Variants in CCDC66 observed in about 807,000 individuals in gnomAD.
CCDC66 encodes coiled-coil domain containing 66.
In CCDC66, 133 loss-of-function variants were observed where a neutral mutation model predicts 128.3. The ratio of observed to expected loss-of-function variants is 1.04; its 90% CI spans 0.90 to 1.20. The LOEUF (loss-of-function observed/expected upper bound fraction) is 1.20. Ranked by LOEUF, CCDC66 falls within the 50% of genes most tolerant of loss-of-function variation. The probability of loss-of-function intolerance (pLI) is 0.00; values close to 1 mark genes in which losing one functional copy is unlikely to be tolerated. For missense variants in CCDC66, 1,126 were observed against 1,075.5 expected, an observed-to-expected ratio of 1.05 and a Z score of -0.66; for synonymous variants, 387 against 357.0, an observed-to-expected ratio of 1.08 and a Z score of -0.95.
intron 15 of CCDC66, chr3:56,618,476 GGTATGTC>G (rs1469954030): frequency 2.6e-6 from 1 of 386,490 alleles, no homozygotes; most frequent in African/African-American, 2.0e-5. Context: ...TGATATTCCA[GGTATGTC>G]ATTAGCAGAA....
At chr3:56,581,224 A>G (rs1044560002) in intron 7 of CCDC66, among the ~76,000 whole-genome samples, 3 of 151,666 alleles carry the variant, frequency 2.0e-5, no homozygotes, top group African/African-American at 7.3e-5. Flanking sequence ...TGCATTTGTC[A>G]TGTAGTTCTC....
At chr3:56,585,697 A>C (rs1390251643) in intron 7 of CCDC66, among the ~76,000 whole-genome samples, 1 of 151,892 alleles carries the variant, frequency 6.6e-6, no homozygotes, top group Non-Finnish European at 1.5e-5. Context: ...ATAGTATAGC[A>C]ATATTTATAA....
chr3:56,601,026 T>C (rs2073068585), intron 10 of CCDC66, among the ~76,000 whole-genome samples: 1 of 152,100 alleles, frequency 6.6e-6, no homozygotes, highest in South Asian at 2.1e-4. Flanking sequence ...CCATTGCTTT[T>C]GGTGTTTTAG....
intron 10 of CCDC66, 88 bp from the exon 11 acceptor site, chr3:56,613,501 C>T (rs968422477): frequency 2.1e-6 from 3 of 1,458,424 alleles, no homozygotes; most frequent in African/African-American, 2.8e-5. Context: ...AAGAGGTGAG[C>T]ACTGAATGTA....
At chr3:56,609,514 C>G (rs1212458606) in intron 10 of CCDC66, among the ~76,000 whole-genome samples, 1 of 152,202 alleles carries the variant, frequency 6.6e-6, no homozygotes, top group Non-Finnish European at 1.5e-5. Flanking sequence ...TTGGTAAGTT[C>G]TTATCCATTC....
intron 14 of CCDC66, 173 bp from the exon 15 acceptor site, chr3:56,617,999 T>G: frequency 1.6e-6 from 1 of 622,838 alleles, no homozygotes; most frequent in Non-Finnish European, 2.8e-6. Flanking sequence ...GATTAGGAAC[T>G]CCCAAGGATT....
chr3:56,618,072 A>G (rs781775919), intron 14 of CCDC66, 100 bp from the exon 15 acceptor site: 65 of 947,684 alleles, frequency 6.9e-5, no homozygotes, highest in Middle Eastern at 2.9e-4. Context: ...TTATTCAAAT[A>G]TTACCCTCAG....
intron 10 of CCDC66, among the ~76,000 whole-genome samples, chr3:56,606,435 G>A (rs867420679): frequency 7.9e-5 from 12 of 152,072 alleles, no homozygotes; most frequent in South Asian, 4.1e-4. Context: ...CCTGGTCTGC[G>A]GGTGGCGAAG....
chr3:56,619,548 C>G (rs2076058009), intron 16 of CCDC66, 21 bp downstream of exon 16: 1 of 1,565,196 alleles, frequency 6.4e-7, no homozygotes, highest in Non-Finnish European at 8.6e-7. Context: ...ATTAAGCATT[C>G]TAACTGTAAA....
chr3:56,608,712 C>T (rs2074402985), intron 10 of CCDC66, among the ~76,000 whole-genome samples: 1 of 152,122 alleles, frequency 6.6e-6, no homozygotes, highest in African/African-American at 2.4e-5. Context: ...TGTCTGTGCT[C>T]TTTCAGACTT....
At chr3:56,621,472 A>C in intron 17 of CCDC66, 60 bp from the exon 18 acceptor site, 1 of 1,097,662 alleles carries the variant, frequency 9.1e-7, no homozygotes, top group South Asian at 1.6e-5. Flanking sequence ...CTAGTTTAAC[A>C]CAACATTGCA....
At chr3:56,600,493 C>T (rs2072975610) in intron 10 of CCDC66, among the ~76,000 whole-genome samples, 1 of 151,938 alleles carries the variant, frequency 6.6e-6, no homozygotes, top group South Asian at 2.1e-4. Flanking sequence ...TCGGTATATA[C>T]CTAGTAATGG....
intron 3 of CCDC66, 40 bp from the exon 4 acceptor site, chr3:56,563,644 T>A: frequency 6.9e-7 from 1 of 1,439,934 alleles, no homozygotes; most frequent in Non-Finnish European, 9.3e-7. Context: ...GTGATTTTTC[T>A]TGGACAGTTA....
intron 3 of CCDC66, among the ~76,000 whole-genome samples, chr3:56,561,697 A>G (rs1577211889): frequency 6.6e-6 from 1 of 152,200 alleles, no homozygotes; most frequent in African/African-American, 2.4e-5. Context: ...CACAGACTAT[A>G]AACACCAAAA....
intron 3 of CCDC66, among the ~76,000 whole-genome samples, chr3:56,562,921 A>G (rs1220289362): frequency 6.6e-6 from 1 of 151,676 alleles, no homozygotes; most frequent in African/African-American, 2.4e-5. Flanking sequence ...TGCTGGGATT[A>G]CAGGCATGAG....
At chr3:56,606,936 A>G (rs922370103) in intron 10 of CCDC66, among the ~76,000 whole-genome samples, 1 of 150,926 alleles carries the variant, frequency 6.6e-6, no homozygotes, top group Non-Finnish European at 1.5e-5. Context: ...TGCTTTGTCG[A>G]AGATCAGTTG....
intron 10 of CCDC66, among the ~76,000 whole-genome samples, chr3:56,610,397 G>C (rs1275533582): frequency 6.6e-6 from 1 of 152,130 alleles, no homozygotes; most frequent in Non-Finnish European, 1.5e-5. Context: ...ATTTCTAAAA[G>C]TGTGTCCAAA....
At position 56,571,178 on chromosome 3, in the gene CCDC66, C is replaced by T; in HGVS notation, c.815-3C>T. ...ATTTTTTTAAAAAGGACATTATTTA[C>T]AGATGAACAGGTTGCTTTAAAGAAG... On this transcript the variant is annotated splice_polypyrimidine_tract_variant and splice_region_variant and intron_variant, in intron 6 of 17. Transcript: ENST00000394672. 1 of 1,504,284 alleles carries T rather than the reference C, an allele frequency of 6.6e-7. No homozygotes were observed. Among genetic ancestry groups the T allele is most frequent in the Non-Finnish European group, 9.0e-7 (1 of 1,108,098 alleles). 93.2% of individuals were successfully genotyped at this position (1,504,284 alleles called of 1,614,324 possible).
rs139181859 is a variant in CCDC66, at chr3:56,566,763, T to C, written c.710+4T>C. ...AGTGTGAGCAAAAAATTGCCATGTA[T>C]GTAACTCCTATCTGTTGTTATTGTG... On this transcript the variant is annotated splice_donor_region_variant and intron_variant, in intron 5 of 17. Coordinates refer to ENST00000394672, the MANE Select transcript of CCDC66 (RefSeq NM_001141947.3). The C allele has an allele frequency of 3.7e-6, 6 of 1,607,996 alleles. No individual in the cohort carries two copies. The East Asian group carries it at 1.1e-4, about 30-fold the overall frequency.
Sources: gnomAD v4.1 joint callset for allele counts (sites outside exome capture counted in the v4.1 genomes callset) on GRCh38, gnomAD v4.1.1 for gene constraint, MANE v1.5 for transcripts, NCBI Gene and HGNC (gene_info 2026-07-23, HGNC 2026-07-21) for gene names.